PATL2: variants seen among roughly 807,000 people sequenced by gnomAD.
PATL2 encodes protein PAT1 homolog 2.
Under a neutral mutation model 77.0 loss-of-function variants are expected in PATL2, and 73 were observed. That is an observed-to-expected ratio of 0.95 (90% CI 0.78 to 1.15). The LOEUF is 1.15. PATL2 is among the 50% of genes most tolerant of loss of function. The pLI, the probability that PATL2 is intolerant of heterozygous loss-of-function variation, is 0.00. For missense variants in PATL2, 618 were observed against 655.4 expected, an observed-to-expected ratio of 0.94 and a Z score of 0.62; for synonymous variants, 265 against 257.1, an observed-to-expected ratio of 1.03 and a Z score of -0.29.
chr15:44,669,869 G>C lies in PATL2; in HGVS notation c.784C>G (p.Arg262Gly). Residue 262 changes from arginine to glycine, a missense_variant, in exon 11 of 18, where the codon CGA becomes GGA. Coordinates refer to ENST00000682850, the MANE Select transcript of PATL2 (RefSeq NM_001387263.1). ...PKAEAYESVV[R>G]IEGSLGQVAV... The stretch of plus-strand genomic sequence containing the variant: ...ACCTGGCCCAGGGAACCCTCGATTC[G>C]GACCACTGCATGAGAAGAGAGGCAC... 1 of 1,551,476 alleles carries C rather than the reference G, an allele frequency of 6.4e-7. No homozygotes were observed.
Position 44,711,200 on chromosome 15 carries a change from G to A in PATL2, c.-434C>T, listed in dbSNP as rs2086854348. 2.1e-6 allele frequency: 1 copy of A among 486,588 alleles called. No homozygotes were observed. Among genetic ancestry groups the A allele is most frequent in the Admixed American group, 3.3e-5 (1 of 30,340 alleles). 30.1% of individuals were successfully genotyped at this position (486,588 alleles called of 1,614,324 possible). On this transcript the variant is annotated 5_prime_UTR_variant, in exon 1 of 18. Coordinates refer to ENST00000682850, the MANE Select transcript of PATL2 (RefSeq NM_001387263.1). ...ATTAGCAAGTCACTTAGCATCTCTGGGGCCAGTCTGCAAAGCGAGGGGGCA... is the reference window on the plus strand; with the variant it reads ...ATTAGCAAGTCACTTAGCATCTCTGAGGCCAGTCTGCAAAGCGAGGGGGCA...
chr15:44,676,289 A>G, intron 4 of PATL2, 186 bp downstream of exon 4: 1 of 617,318 alleles, frequency 1.6e-6, no homozygotes, highest in Middle Eastern at 2.7e-4. Flanking sequence ...TAATTTTACT[A>G]GGTTGGTGAG....
Position 44,676,585 on chromosome 15 carries a change from A to G in PATL2, c.-75-20T>C. The G allele has an allele frequency of 2.0e-6, 3 of 1,533,804 alleles. No individual in the cohort carries two copies. Among genetic ancestry groups the G allele is most frequent in the Non-Finnish European group, 2.6e-6 (3 of 1,132,220 alleles). ...GTAAACCTGAGACAAGAAAGAGGCC[A>G]AGAGGCACCATCCTCAGTCAGTAAG... On this transcript the variant is annotated intron_variant, in intron 3 of 17. Coordinates refer to ENST00000682850, the MANE Select transcript of PATL2 (RefSeq NM_001387263.1).
intron 3 of PATL2, among the ~76,000 whole-genome samples, chr15:44,682,613 C>T (rs368349936): frequency 4.6e-5 from 7 of 152,320 alleles, no homozygotes; most frequent in African/African-American, 1.4e-4. Flanking sequence ...TCACTCCTCA[C>T]GTTCTTCCCA....
rs2086855989 is a variant in PATL2, at chr15:44,711,291, C to T, written c.-525G>A. The T allele has an allele frequency of 1.7e-6, 1 of 600,836 alleles. No individual in the cohort carries two copies. Among genetic ancestry groups the T allele is most frequent in the Non-Finnish European group, 3.0e-6 (1 of 334,528 alleles). The allele number at this position is 600,836 out of a possible 1,614,324, so 37.2% of individuals were successfully genotyped here. A position where few individuals can be genotyped will look rare whatever the true frequency, so the allele number is the denominator to read the frequency against. On this transcript the variant is annotated 5_prime_UTR_variant, in exon 1 of 18. The change creates a new upstream start codon in the 5' untranslated region. Coordinates refer to ENST00000682850, the MANE Select transcript of PATL2 (RefSeq NM_001387263.1). ...CCGGTGTCCCAAGCTGGGGCGCGCA[C>T]CCCAGATCGGAGGGCGCCGATGTAC...
intron 11 of PATL2, 44 bp downstream of exon 11, chr15:44,669,733 T>C: frequency 1.9e-6 from 3 of 1,543,786 alleles, no homozygotes; most frequent in Non-Finnish European, 1.8e-6. Context: ...TAGACCCTTC[T>C]TCCAAAGGGG....
chr15:44,694,328 T>C (rs1001417769), intron 3 of PATL2, among the ~76,000 whole-genome samples: 4 of 152,208 alleles, frequency 2.6e-5, no homozygotes, highest in African/African-American at 7.2e-5. Flanking sequence ...TAATTTGACA[T>C]ATGATAAATT....
chr15:44,705,160 A>C (rs1369647948), intron 3 of PATL2, among the ~76,000 whole-genome samples: 3 of 149,654 alleles, frequency 2.0e-5, no homozygotes, highest in Non-Finnish European at 3.0e-5. Context: ...CTCTCTCTCT[A>C]CCTCCTCTTT....
intron 3 of PATL2, among the ~76,000 whole-genome samples, chr15:44,691,326 T>TA (rs1437065556): frequency 6.6e-6 from 1 of 152,174 alleles, no homozygotes; most frequent in African/African-American, 2.4e-5. Flanking sequence ...CTATAACTGC[T>TA]ACGCTTACAG....
At chr15:44,691,475 T>C (rs2086389862) in intron 3 of PATL2, among the ~76,000 whole-genome samples, 1 of 151,932 alleles carries the variant, frequency 6.6e-6, no homozygotes, top group African/African-American at 2.4e-5. Context: ...CTCACCAACA[T>C]AGCAAAAACC....
intron 3 of PATL2, among the ~76,000 whole-genome samples, chr15:44,691,031 A>G (rs1313013494): frequency 6.6e-6 from 1 of 151,452 alleles, no homozygotes; most frequent in South Asian, 2.1e-4. Context: ...ATAATAATTT[A>G]AATTTATATT....
chr15:44,671,139 A>G (rs2085652852), intron 9 of PATL2, among the ~76,000 whole-genome samples: 1 of 152,218 alleles, frequency 6.6e-6, no homozygotes, highest in Non-Finnish European at 1.5e-5. Context: ...CCTAATGTAA[A>G]TGAGAAGGCA....
chr15:44,690,685 C>T (rs1474447593), intron 3 of PATL2, among the ~76,000 whole-genome samples: 1 of 152,028 alleles, frequency 6.6e-6, no homozygotes, highest in Non-Finnish European at 1.5e-5. Flanking sequence ...TTTAAAAAAA[C>T]TTATGGGTAA....
chr15:44,705,668 T>A (rs1461967864), intron 3 of PATL2, among the ~76,000 whole-genome samples: 1 of 152,222 alleles, frequency 6.6e-6, no homozygotes, highest in Non-Finnish European at 1.5e-5. Context: ...TGCACCCTTA[T>A]GTATGTCAGT....
At chr15:44,699,054 T>C (rs2086574044) in intron 3 of PATL2, among the ~76,000 whole-genome samples, 1 of 152,238 alleles carries the variant, frequency 6.6e-6, no homozygotes, top group South Asian at 2.1e-4. Flanking sequence ...TTTTGAGAAA[T>C]GCCTATTCAG....
chr15:44,676,303 A>G (rs1839587447), intron 4 of PATL2, 172 bp downstream of exon 4: 3 of 650,246 alleles, frequency 4.6e-6, no homozygotes, highest in Non-Finnish European at 8.2e-6. Flanking sequence ...TGGTGAGAAA[A>G]ATAAAGCCCA....
chr15:44,678,657 T>C (rs938199916), intron 3 of PATL2, among the ~76,000 whole-genome samples: 4 of 151,950 alleles, frequency 2.6e-5, no homozygotes, highest in South Asian at 2.1e-4. Flanking sequence ...TTGGGTCAGA[T>C]TTTAAAAAGA....
intron 9 of PATL2, 124 bp from the exon 10 acceptor site, chr15:44,670,211 G>A (rs933441837): frequency 3.7e-6 from 5 of 1,343,880 alleles, no homozygotes; most frequent in Non-Finnish European, 5.0e-6. Flanking sequence ...TATAAGTTTT[G>A]TTGTTTGAGA....
chr15:44,694,520 C>T (rs2086462307), intron 3 of PATL2, among the ~76,000 whole-genome samples: 1 of 152,152 alleles, frequency 6.6e-6, no homozygotes, highest in African/African-American at 2.4e-5. Context: ...CGCTCCTAAA[C>T]TCCTTGTGTG....
Sources: gnomAD v4.1 joint callset for allele counts (sites outside exome capture counted in the v4.1 genomes callset) on GRCh38, gnomAD v4.1.1 for gene constraint, MANE v1.5 for transcripts, NCBI Gene and HGNC (gene_info 2026-07-23, HGNC 2026-07-21) for gene names.